GALNT13: variants seen among roughly 807,000 people sequenced by gnomAD.
GALNT13 encodes the protein UDP-GalNAc:polypeptide N-acetylgalactosaminyltransferase 13.
A neutral mutation model predicts 64.2 loss-of-function variants in GALNT13; 28 were observed. The observed-to-expected ratio is 0.44, with a 90% confidence interval of 0.32 to 0.60. The LOEUF (loss-of-function observed/expected upper bound fraction) is 0.60. GALNT13 is among the 20% of genes least tolerant of loss of function. The pLI is 0.05. For synonymous variants in GALNT13, 214 were observed against 224.6 expected, an observed-to-expected ratio of 0.95 and a Z score of 0.42; for missense variants, 577 against 669.8, an observed-to-expected ratio of 0.86 and a Z score of 1.53.
chr2:154,303,570 G>A (rs1033776270), intron 9 of GALNT13, among the ~76,000 whole-genome samples: 2 of 151,956 alleles, frequency 1.3e-5, no homozygotes, highest in Admixed American at 1.3e-4. Flanking sequence ...CATTAAAAAG[G>A]AAAACCTTAC....
At chr2:153,618,358 A>G in the GALNT13 span, among the ~76,000 whole-genome samples, 1 of 151,506 alleles carries the variant, frequency 6.6e-6, no homozygotes, top group African/African-American at 2.4e-5. Flanking sequence ...ATTAATTTCT[A>G]GTTTTATTCC....
chr2:153,771,109 A>G, the GALNT13 span, among the ~76,000 whole-genome samples: 3 of 152,272 alleles, frequency 2.0e-5, no homozygotes, highest in East Asian at 3.9e-4. Context: ...CCATGCAAGT[A>G]TATGTGCCTA....
chr2:153,857,918 A>G, the GALNT13 span, among the ~76,000 whole-genome samples: 1 of 152,168 alleles, frequency 6.6e-6, no homozygotes, highest in African/African-American at 2.4e-5. Context: ...TGTGCCAGGT[A>G]TGAGTCTTAG....
chr2:153,519,261 T>G, the GALNT13 span, among the ~76,000 whole-genome samples: 1 of 152,186 alleles, frequency 6.6e-6, no homozygotes, highest in Non-Finnish European at 1.5e-5. Flanking sequence ...AAATTTTGAT[T>G]GTTGATATTG....
intron 3 of GALNT13, among the ~76,000 whole-genome samples, chr2:154,086,768 G>A (rs1220896504): frequency 5.7e-5 from 8 of 141,582 alleles, no homozygotes; most frequent in African/African-American, 2.0e-4. Flanking sequence ...GTTAGCATAC[G>A]CGCACACACA....
the GALNT13 span, among the ~76,000 whole-genome samples, chr2:153,577,251 CTT>C: frequency 6.6e-6 from 1 of 152,064 alleles, no homozygotes; most frequent in African/African-American, 2.4e-5. Flanking sequence ...TTTTCTTTGA[CTT>C]ATACTAAATT....
chr2:153,847,095 A>G, the GALNT13 span, among the ~76,000 whole-genome samples: 1 of 152,054 alleles, frequency 6.6e-6, no homozygotes, highest in Admixed American at 6.6e-5. Flanking sequence ...GTAAAGTCAA[A>G]TTAATATAGA....
chr2:153,384,926 A>G, the GALNT13 span, among the ~76,000 whole-genome samples: 2 of 152,104 alleles, frequency 1.3e-5, no homozygotes, highest in Non-Finnish European at 2.9e-5. Context: ...TAGGGTAGAA[A>G]GAAGCCCCTA....
intron 4 of GALNT13, among the ~76,000 whole-genome samples, chr2:154,173,064 T>C (rs1156883395): frequency 6.6e-6 from 1 of 151,974 alleles, no homozygotes; most frequent in Admixed American, 6.6e-5. Flanking sequence ...ATCACATTAC[T>C]TGACTTCAAA....
chr2:153,256,051 C>T, the GALNT13 span, among the ~76,000 whole-genome samples: 5 of 152,222 alleles, frequency 3.3e-5, no homozygotes, highest in Non-Finnish European at 5.9e-5. Context: ...GCATAATATC[C>T]TGCAGAGTGT....
chr2:153,995,593 A>G (rs956846957), intron 3 of GALNT13, among the ~76,000 whole-genome samples: 2 of 152,146 alleles, frequency 1.3e-5, no homozygotes, highest in African/African-American at 2.4e-5. Context: ...ACATGTATAC[A>G]TTGCATGATG....
chr2:153,241,247 G>A, the GALNT13 span, among the ~76,000 whole-genome samples: 13 of 152,202 alleles, frequency 8.5e-5, no homozygotes, highest in African/African-American at 2.6e-4. Flanking sequence ...TCCACTCTTC[G>A]TCTTGCCCAG....
chr2:153,800,673 C>T, the GALNT13 span, among the ~76,000 whole-genome samples: 1 of 152,154 alleles, frequency 6.6e-6, no homozygotes, highest in Non-Finnish European at 1.5e-5. Flanking sequence ...ACCAGTAGAA[C>T]CTAACTCAAG....
At chr2:153,745,720 G>T in the GALNT13 span, among the ~76,000 whole-genome samples, 1 of 152,016 alleles carries the variant, frequency 6.6e-6, no homozygotes, top group Non-Finnish European at 1.5e-5. Flanking sequence ...TCCTATTTTT[G>T]GTTTGTTGTT....
At chr2:154,322,398 A>C (rs1163083039) in intron 9 of GALNT13, among the ~76,000 whole-genome samples, 2 of 151,634 alleles carry the variant, frequency 1.3e-5, no homozygotes, top group Admixed American at 6.6e-5. Context: ...TCTTCCTCTG[A>C]CTCTGGCCTT....
At chr2:153,299,277 C>G in the GALNT13 span, among the ~76,000 whole-genome samples, 1 of 152,122 alleles carries the variant, frequency 6.6e-6, no homozygotes, top group African/African-American at 2.4e-5. Flanking sequence ...GCACAGTCAT[C>G]TTTTATTTTG....
At chr2:153,892,834 A>G (rs1301910640) in intron 1 of GALNT13, among the ~76,000 whole-genome samples, 1 of 151,932 alleles carries the variant, frequency 6.6e-6, no homozygotes, top group Non-Finnish European at 1.5e-5. Flanking sequence ...GTGAACCCTA[A>G]TGTATGCTAG....
the GALNT13 span, among the ~76,000 whole-genome samples, chr2:153,218,163 AGATAACTTCTTC>A: frequency 1.3e-5 from 2 of 152,180 alleles, no homozygotes; most frequent in South Asian, 4.1e-4. Context: ...GCTTTGTCTT[AGATAACTTCTTC>A]TCTGCTGTCT....
chr2:153,207,817 T>C, the GALNT13 span, among the ~76,000 whole-genome samples: 11 of 152,160 alleles, frequency 7.2e-5, no homozygotes, highest in African/African-American at 1.4e-4. Flanking sequence ...TGGTGTCTCA[T>C]TGAAGCACTT....
Sources: gnomAD v4.1 joint callset for allele counts (sites outside exome capture counted in the v4.1 genomes callset) on GRCh38, gnomAD v4.1.1 for gene constraint, MANE v1.5 for transcripts, NCBI Gene and HGNC (gene_info 2026-07-23, HGNC 2026-07-21) for gene names.